ERBIN: variants seen among roughly 807,000 people sequenced by gnomAD.
The protein encoded by ERBIN is densin-180-like protein.
Under a neutral mutation model 158.4 loss-of-function variants are expected in ERBIN, and 60 were observed. The ratio of observed to expected loss-of-function variants is 0.38; its 90% CI spans 0.31 to 0.47. The LOEUF (loss-of-function observed/expected upper bound fraction) is 0.47, where lower values mean the gene tolerates loss of function less well. ERBIN is among the 20% of genes least tolerant of loss of function. ERBIN has a pLI of 0.99. For missense variants in ERBIN, 1,610 were observed against 1,648.0 expected, an observed-to-expected ratio of 0.98 and a Z score of 0.40; for synonymous variants, 594 against 557.2, an observed-to-expected ratio of 1.07 and a Z score of -0.93.
chr5:66,002,146 A>G (rs939087207), intron 4 of ERBIN, among the ~76,000 whole-genome samples: 1 of 152,054 alleles, frequency 6.6e-6, no homozygotes, highest in Non-Finnish European at 1.5e-5. Flanking sequence ...ACATGAACCC[A>G]TTCTTTTTTA....
intron 25 of ERBIN, among the ~76,000 whole-genome samples, chr5:66,077,200 T>C (rs1383541849): frequency 2.0e-5 from 3 of 151,010 alleles, no homozygotes; most frequent in Admixed American, 1.3e-4. Flanking sequence ...TTGTTTAAGC[T>C]CAGGAATGTT....
At chr5:66,001,404 A>T (rs1753001080) in intron 4 of ERBIN, among the ~76,000 whole-genome samples, 2 of 152,158 alleles carry the variant, frequency 1.3e-5, no homozygotes, top group South Asian at 4.1e-4. Flanking sequence ...GTATTTCTTT[A>T]AAAGCACTTG....
At chr5:65,958,305 G>T (rs894323225) in intron 1 of ERBIN, among the ~76,000 whole-genome samples, 9 of 151,994 alleles carry the variant, frequency 5.9e-5, no homozygotes, top group Non-Finnish European at 8.8e-5. Context: ...CCGAGATCAC[G>T]CCACTGCACT....
In ERBIN at chr5:66,065,513, T is replaced by C. The variant is rs1362119914; in HGVS notation, c.3634-6656T>C. 3.3e-5 allele frequency among the ~76,000 whole-genome samples: 5 copies of C among 152,066 alleles called. 1 individual carries two copies. The highest frequency in any genetic ancestry group is 3.3e-4 in the Admixed American group (5 of 15,252). On this transcript the variant is annotated intron_variant, in intron 21 of 25. Transcript: ENST00000284037. ...TTCCTTTAACCTAGGTAAGTGGTTTTCAAACTTTACTATATGGGGTCTATA... is the reference window on the plus strand; with the variant it reads ...TTCCTTTAACCTAGGTAAGTGGTTTCCAAACTTTACTATATGGGGTCTATA...
chr5:66,044,679 C>T (rs1416959398), intron 17 of ERBIN, among the ~76,000 whole-genome samples: 2 of 151,882 alleles, frequency 1.3e-5, no homozygotes, highest in African/African-American at 2.4e-5. Flanking sequence ...GCAGGAGAAT[C>T]GCTTGAACCC....
At chr5:65,931,521 A>G (rs1411097346) in intron 1 of ERBIN, among the ~76,000 whole-genome samples, 2 of 152,202 alleles carry the variant, frequency 1.3e-5, no homozygotes, top group African/African-American at 4.8e-5. Context: ...TTTTGGTTTG[A>G]CTCAAAACAG....
intron 1 of ERBIN, among the ~76,000 whole-genome samples, chr5:65,935,632 C>T (rs919579216): frequency 8.5e-5 from 13 of 152,276 alleles, no homozygotes; most frequent in African/African-American, 3.1e-4. Flanking sequence ...GGAAGAAATC[C>T]AGTACTTTTA....
Position 66,080,322 on chromosome 5 carries a change from TA to T in ERBIN, c.*1794del, listed in dbSNP as rs1424528766. On this transcript the variant is annotated 3_prime_UTR_variant, in exon 26 of 26. Transcript: ENST00000284037. Reference sequence around the variant, plus strand: ...TGGTTATTGTACTGTATAGTTTTAATAATTTTGATTGAAACCCTTTAACAAC... The same window carrying T: ...TGGTTATTGTACTGTATAGTTTTAATATTTTGATTGAAACCCTTTAACAAC... The T allele has an allele frequency of 6.6e-6, 1 of 152,586 alleles. No individual in the cohort carries two copies. The highest frequency in any genetic ancestry group is 2.4e-5 in the African/African-American group (1 of 41,472). 9.5% of individuals were successfully genotyped at this position (152,586 alleles called of 1,614,324 possible). A position where few individuals can be genotyped will look rare whatever the true frequency, so the allele number is the denominator to read the frequency against.
In ERBIN at chr5:65,992,831, C is replaced by G; in HGVS notation, c.113C>G (p.Pro38Arg). ...DYSHCSLEQV[P>R]KEIFTFEKTL... ...TCTCATTGCAGCTTAGAACAAGTTC[C>G]GAAAGAGATTTTTACTTTTGAAAAA... Residue 38 changes from proline to arginine, a missense_variant, in exon 3 of 26, where the codon CCG (proline) becomes CGG (arginine). Physicochemically the swap from Pro to Arg is moderately radical, Grantham distance 103 (BLOSUM62 -2). Around this residue, in one of 2 missense-constraint regions of ERBIN, gnomAD observed 596 missense variants for 711.9 expected, o/e 0.84. Transcript: ENST00000284037. 1.2e-6 allele frequency: 2 copies of G among 1,613,248 alleles called. No individual in the cohort carries two copies. Among genetic ancestry groups the G allele is most frequent in the Non-Finnish European group, 1.7e-6 (2 of 1,179,634 alleles).
intron 17 of ERBIN, among the ~76,000 whole-genome samples, chr5:66,045,516 C>CT (rs1337002045): frequency 1.3e-5 from 2 of 150,550 alleles, no homozygotes; most frequent in East Asian, 3.9e-4. Flanking sequence ...GCTATACTGT[C>CT]TAGGTTTGTG....
At chr5:65,940,497 G>A (rs1188615028) in intron 1 of ERBIN, among the ~76,000 whole-genome samples, 1 of 78,984 alleles carries the variant, frequency 1.3e-5, no homozygotes, top group Non-Finnish European at 2.4e-5. Context: ...CCGGCCAGCC[G>A]CCCCGTCTGG....
At chr5:65,976,110 G>A (rs970358429) in intron 1 of ERBIN, among the ~76,000 whole-genome samples, 5 of 152,196 alleles carry the variant, frequency 3.3e-5, no homozygotes, top group Non-Finnish European at 7.3e-5. Flanking sequence ...TGAACTGGTG[G>A]AATACCTGTG....
intron 1 of ERBIN, among the ~76,000 whole-genome samples, chr5:65,946,558 G>A (rs1745772804): frequency 6.6e-6 from 1 of 152,148 alleles, no homozygotes; most frequent in Non-Finnish European, 1.5e-5. Context: ...CTGGATTGTT[G>A]TCAATTTTTG....
rs10041137 is a variant in ERBIN, at chr5:66,081,632, C to G, written c.*3102C>G. 73 of 151,798 alleles carry G rather than the reference C, an allele frequency of 4.8e-4. No homozygotes were observed. Among genetic ancestry groups the G allele is most frequent in the African/African-American group, 1.8e-3 (73 of 41,364 alleles). 9.4% of individuals were successfully genotyped at this position (151,798 alleles called of 1,614,324 possible). On this transcript the variant is annotated 3_prime_UTR_variant, in exon 26 of 26. Coordinates refer to ENST00000284037, the MANE Select transcript of ERBIN (RefSeq NM_001253697.2). ...ACAATTTTTTTTTAGCATTAAAACC[C>G]TGTATATCTAGGTGTGGAAGAAGTG... is the stretch of plus-strand genomic sequence containing the variant.
chr5:65,928,684 C>T (rs1742986731), intron 1 of ERBIN, among the ~76,000 whole-genome samples: 1 of 151,918 alleles, frequency 6.6e-6, no homozygotes, highest in Non-Finnish European at 1.5e-5. Context: ...GAGGTGTTCA[C>T]CTTTGTGTTT....
chr5:66,022,235 G>A (rs1406450660), intron 8 of ERBIN, among the ~76,000 whole-genome samples: 4 of 152,010 alleles, frequency 2.6e-5, no homozygotes, highest in Non-Finnish European at 5.9e-5. Context: ...TTATTTATCT[G>A]TTACGTCCTT....
chr5:66,036,035 G>T lies in ERBIN; in HGVS notation c.1207-2348G>T, dbSNP rs141955557. Among the ~76,000 whole-genome samples the T allele has an allele frequency of 1.2e-3, 178 of 152,292 alleles. 2 individuals carry two copies. Among genetic ancestry groups the T allele is most frequent in the African/African-American group, 4.2e-3 (176 of 41,558 alleles). Reference sequence around the variant, plus strand: ...GCCCAGAAGTTCTAGGTTACAATGAGCTATGATCATGCCACTGCACTCCAG... The same window carrying T: ...GCCCAGAAGTTCTAGGTTACAATGATCTATGATCATGCCACTGCACTCCAG... On this transcript the variant is annotated intron_variant, in intron 14 of 25. Transcript: ENST00000284037.
At chr5:66,037,238 G>A (rs1309136717) in intron 14 of ERBIN, among the ~76,000 whole-genome samples, 1 of 152,050 alleles carries the variant, frequency 6.6e-6, no homozygotes, top group African/African-American at 2.4e-5. Context: ...GTGTAAAAGA[G>A]CCAGGAATAG....
chr5:65,959,394 CT>C (rs572515277), intron 1 of ERBIN, among the ~76,000 whole-genome samples: 1 of 151,916 alleles, frequency 6.6e-6, no homozygotes, highest in Non-Finnish European at 1.5e-5. Flanking sequence ...AATTTTATAA[CT>C]TTTAAAAACA....
Sources: allele counts gnomAD v4.1 joint callset (sites outside exome capture counted in the v4.1 genomes callset), GRCh38; gene constraint gnomAD v4.1.1; regional missense constraint gnomAD v4.1.1; transcripts MANE v1.5; gene names NCBI Gene and HGNC (gene_info 2026-07-23, HGNC 2026-07-21).